CNTN5: variants seen among roughly 807,000 people sequenced by gnomAD.
CNTN5 encodes contactin-5.
CNTN5 carries 77 observed loss-of-function variants against 129.1 expected under a neutral mutation model. That is an observed-to-expected ratio of 0.60 (90% CI 0.50 to 0.72). The LOEUF (loss-of-function observed/expected upper bound fraction) is 0.72. Among genes scored for constraint, CNTN5 ranks in the 30% least tolerant of loss-of-function variants. CNTN5 has a pLI of 0.00. For missense variants in CNTN5, 1,478 were observed against 1,328.8 expected (o/e 1.11, Z -1.75); for synonymous variants, 509 against 465.6 (o/e 1.09, Z -1.20).
intron 8 of CNTN5, among the ~76,000 whole-genome samples, chr11:99,978,520 T>C (rs759918375): frequency 3.3e-5 from 5 of 152,214 alleles, no homozygotes; most frequent in Non-Finnish European, 7.3e-5. Context: ...ACCATTGTTA[T>C]TTATATCATA....
At position 99,727,231 on chromosome 11, in the gene CNTN5, G is replaced by A. The variant is rs1377028260; in HGVS notation, c.56-92313G>A. ...TGAGGCAGGAGAATGGCGTGAACCC[G>A]GGAAGCGGAGCTTGCAGTGAGCCGA... On this transcript the variant is annotated intron_variant, in intron 3 of 24. Coordinates refer to ENST00000524871, the MANE Select transcript of CNTN5 (RefSeq NM_014361.4). 5.6e-5 allele frequency among the ~76,000 whole-genome samples: 8 copies of A among 143,288 alleles called. No homozygotes were observed. The South Asian group carries it at 1.2e-3, about 21-fold the overall frequency. The allele number at this position is 143,288 out of a possible 152,430, so 94.0% of individuals were successfully genotyped here.
At position 100,193,723 on chromosome 11, in the gene CNTN5, G is replaced by A. The variant is rs1038016664; in HGVS notation, c.1884+60G>A. 9 of 1,450,426 alleles carry A rather than the reference G, an allele frequency of 6.2e-6. No individual in the cohort carries two copies. The East Asian group carries it at 1.4e-4, about 23-fold the overall frequency. 89.8% of individuals were successfully genotyped at this position (1,450,426 alleles called of 1,614,324 possible). On this transcript the variant is annotated intron_variant, in intron 15 of 24. Transcript: ENST00000524871. The stretch of plus-strand genomic sequence containing the variant: ...TAACTTTAGAAATTTTGAATCAAAT[G>A]TAAGACCTTGCTTAGCTATGAAGTG...
At chr11:99,787,088 ATGTT>A (rs1170079096) in intron 3 of CNTN5, among the ~76,000 whole-genome samples, 3 of 40,186 alleles carry the variant, frequency 7.5e-5, no homozygotes, top group African/African-American at 3.5e-4. Flanking sequence ...CTGAAACTAC[ATGTT>A]TTTTTTTTGT....
intron 21 of CNTN5, among the ~76,000 whole-genome samples, chr11:100,319,153 CTTT>C (rs1291858718): frequency 3.6e-5 from 5 of 137,378 alleles, no homozygotes; most frequent in African/African-American, 2.7e-5. Context: ...TTTTTCTTTT[CTTT>C]TTTTTTTTTT....
intron 1 of CNTN5, among the ~76,000 whole-genome samples, chr11:99,198,833 A>T (rs2135619393): frequency 6.6e-6 from 1 of 152,212 alleles, no homozygotes; most frequent in African/African-American, 2.4e-5. Flanking sequence ...ACTGTCACTA[A>T]CAGATTTGAT....
chr11:99,238,496 T>G, intron 1 of CNTN5, among the ~76,000 whole-genome samples: 1 of 152,262 alleles, frequency 6.6e-6, no homozygotes, highest in African/African-American at 2.4e-5. Context: ...TTTAAGAAAT[T>G]TTTTGAAACA....
chr11:100,161,135 T>A (rs919883907), intron 13 of CNTN5, among the ~76,000 whole-genome samples: 2 of 151,942 alleles, frequency 1.3e-5, no homozygotes, highest in Non-Finnish European at 1.5e-5. Flanking sequence ...TCATTTTTTT[T>A]AATTGTCAAG....
intron 3 of CNTN5, among the ~76,000 whole-genome samples, chr11:99,727,621 G>A (rs1444010811): frequency 2.6e-5 from 4 of 151,680 alleles, no homozygotes; most frequent in African/African-American, 9.7e-5. Context: ...TCAATTAAGG[G>A]AAGGAAATTA....
At chr11:100,092,958 C>T (rs1307530372) in intron 13 of CNTN5, among the ~76,000 whole-genome samples, 1 of 152,102 alleles carries the variant, frequency 6.6e-6, no homozygotes, top group African/African-American at 2.4e-5. Flanking sequence ...CAGATCCCTA[C>T]TCGCCCTGGT....
chr11:99,653,697 C>A (rs1952242486), intron 3 of CNTN5, among the ~76,000 whole-genome samples: 1 of 152,020 alleles, frequency 6.6e-6, no homozygotes, highest in Non-Finnish European at 1.5e-5. Context: ...AATTTACAAG[C>A]AGCACTATAA....
rs191666442 is a variant in CNTN5, at chr11:99,719,057, G to A, written c.56-100487G>A. Among the ~76,000 whole-genome samples the A allele has an allele frequency of 4.3e-4, 66 of 152,148 alleles. No homozygotes were observed. The East Asian group carries it at 0.012, about 28-fold the overall frequency. On this transcript the variant is annotated intron_variant, in intron 3 of 24. Transcript: ENST00000524871. The stretch of plus-strand genomic sequence containing the variant: ...ACAGAGAGCGGGTGTGGTGTCTCAC[G>A]CCTGTAATTCCAGCACTTTGGGAGG...
At chr11:99,794,727 T>C (rs764883233) in intron 3 of CNTN5, among the ~76,000 whole-genome samples, 9 of 152,232 alleles carry the variant, frequency 5.9e-5, no homozygotes, top group Admixed American at 3.9e-4. Flanking sequence ...AATTATTTTC[T>C]TTAACCATGC....
At chr11:99,658,892 A>AG (rs1428456971) in intron 3 of CNTN5, among the ~76,000 whole-genome samples, 1 of 148,276 alleles carries the variant, frequency 6.7e-6, no homozygotes. Context: ...CTGTCTCAAA[A>AG]AAAAAAAAAA....
chr11:100,164,975 T>C (rs1050855655), intron 13 of CNTN5, among the ~76,000 whole-genome samples: 1 of 151,834 alleles, frequency 6.6e-6, no homozygotes, highest in African/African-American at 2.4e-5. Context: ...TATTTTTTAC[T>C]TATTTTTTAA....
At chr11:100,219,493 C>A (rs1250512001) in intron 15 of CNTN5, among the ~76,000 whole-genome samples, 2 of 152,126 alleles carry the variant, frequency 1.3e-5, no homozygotes, top group Non-Finnish European at 1.5e-5. Context: ...TGCTACCAGC[C>A]CTTTTGCATT....
At chr11:99,983,724 C>T (rs914957556) in intron 8 of CNTN5, among the ~76,000 whole-genome samples, 1 of 152,022 alleles carries the variant, frequency 6.6e-6, no homozygotes, top group African/African-American at 2.4e-5. Flanking sequence ...TTTGGAAAAG[C>T]AGTTTTATTA....
intron 2 of CNTN5, among the ~76,000 whole-genome samples, chr11:99,337,535 G>C (rs1341849451): frequency 1.3e-5 from 2 of 152,174 alleles, no homozygotes; most frequent in East Asian, 3.9e-4. Flanking sequence ...GTTTGTTTGC[G>C]GCTTAAGAAT....
At chr11:100,159,059 A>G (rs1360209695) in intron 13 of CNTN5, among the ~76,000 whole-genome samples, 1 of 151,952 alleles carries the variant, frequency 6.6e-6, no homozygotes, top group Non-Finnish European at 1.5e-5. Context: ...TGAAAGGAGT[A>G]AGACACAAAG....
intron 3 of CNTN5, 21 bp from the exon 4 acceptor site, chr11:99,819,523 A>C: frequency 6.4e-7 from 1 of 1,571,986 alleles, no homozygotes; most frequent in African/African-American, 1.4e-5. Flanking sequence ...TTCAGATTTT[A>C]TTATATTTTT....
Sources: allele counts gnomAD v4.1 joint callset (sites outside exome capture counted in the v4.1 genomes callset), GRCh38; gene constraint gnomAD v4.1.1; transcripts MANE v1.5; gene names NCBI Gene and HGNC (gene_info 2026-07-23, HGNC 2026-07-21).